Variants in HIP1 observed in about 807,000 individuals in gnomAD.
HIP1 encodes the protein huntingtin interacting protein 1.
A neutral mutation model predicts 147.6 loss-of-function variants in HIP1; 65 were observed. The ratio of observed to expected loss-of-function variants is 0.44; its 90% confidence interval spans 0.36 to 0.54. The LOEUF is 0.54. HIP1 is among the 20% of genes least tolerant of loss of function. The pLI is 0.00. For missense variants in HIP1, 1,061 were observed against 1,299.6 expected, an observed-to-expected ratio of 0.82 and a Z score of 2.82; for synonymous variants, 479 against 504.0, an observed-to-expected ratio of 0.95 and a Z score of 0.67.
In HIP1 at chr7:75,640,985, C is replaced by T. The variant is rs140788619; in HGVS notation, c.121-41738G>A. Among the ~76,000 whole-genome samples, 945 of 151,682 alleles carry T rather than the reference C, an allele frequency of 6.2e-3. 12 individuals are homozygous for T. Among genetic ancestry groups the T allele is most frequent in the African/African-American group, 0.022 (924 of 41,362 alleles). On this transcript the variant is annotated intron_variant, in intron 1 of 30. Transcript: ENST00000336926. ...AAATTGGGACTCTATCTGCCTGCCT[C>T]CTAGGGGTATGTGAGAACATCAAGA...
intron 2 of HIP1, among the ~76,000 whole-genome samples, chr7:75,595,219 T>TTCCTTCCTTCCTTCCTTC: frequency 1.1e-5 from 1 of 90,572 alleles, no homozygotes; most frequent in East Asian, 3.1e-4. Context: ...TTTCTTTCTT[T>TTCCTTCCTTCCTTCCTTC]CTTTCTTTCT....
chr7:75,712,592 T>G (rs550577413), intron 1 of HIP1, among the ~76,000 whole-genome samples: 1 of 152,172 alleles, frequency 6.6e-6, no homozygotes, highest in South Asian at 2.1e-4. Context: ...GGGAATCCAT[T>G]CAATCATTCA....
At chr7:75,678,119 A>T (rs1425273748) in intron 1 of HIP1, among the ~76,000 whole-genome samples, 1 of 152,036 alleles carries the variant, frequency 6.6e-6, no homozygotes, top group Non-Finnish European at 1.5e-5. Flanking sequence ...GACTCATTCT[A>T]ACTGTTTAGT....
intron 1 of HIP1, chr7:75,611,649 G>A (rs782495937): frequency 7.3e-5 from 74 of 1,019,976 alleles, no homozygotes; most frequent in East Asian, 2.0e-4. Context: ...CGGGCAGTGC[G>A]GGGCTGGGTG....
At chr7:75,734,141 G>A (rs781797692) in intron 1 of HIP1, among the ~76,000 whole-genome samples, 10 of 151,952 alleles carry the variant, frequency 6.6e-5, no homozygotes, top group Non-Finnish European at 1.2e-4. Flanking sequence ...AGCTACTCGA[G>A]AGGCCGAGGC....
Position 75,618,946 on chromosome 7 carries a change from T to C in HIP1, c.121-19699A>G, listed in dbSNP as rs76333125. ...CCTGGGCTCCAGTGAGCCTCCCACCTTGGCCTCCCACCCAACATCCTTGAC... is the reference window on the plus strand; with the variant it reads ...CCTGGGCTCCAGTGAGCCTCCCACCCTGGCCTCCCACCCAACATCCTTGAC... On this transcript the variant is annotated intron_variant, in intron 1 of 30. Transcript: ENST00000336926. Among the ~76,000 whole-genome samples, 20 of 152,234 alleles carry C rather than the reference T, an allele frequency of 1.3e-4. No individual in the cohort carries two copies. In the East Asian group the frequency reaches 3.9e-3, roughly 29 times the overall value.
intron 1 of HIP1, among the ~76,000 whole-genome samples, chr7:75,636,797 G>A (rs1233537919): frequency 2.6e-5 from 4 of 152,200 alleles, no homozygotes; most frequent in African/African-American, 2.4e-5. Context: ...GAATTCTCCA[G>A]AGGTTTCCCA....
intron 1 of HIP1, among the ~76,000 whole-genome samples, chr7:75,607,145 G>A (rs1021308607): frequency 6.6e-6 from 1 of 150,954 alleles, no homozygotes; most frequent in Non-Finnish European, 1.5e-5. Flanking sequence ...TAGGTGGGAG[G>A]ATTACTTGAG....
At chr7:75,555,743 C>A (rs1794977075) in intron 18 of HIP1, among the ~76,000 whole-genome samples, 192 bp from the exon 19 acceptor site, 1 of 152,106 alleles carries the variant, frequency 6.6e-6, no homozygotes. Flanking sequence ...GTGCGGCTGC[C>A]CACAGAGGCT....
intron 29 of HIP1, 148 bp downstream of exon 29, chr7:75,541,771 A>G (rs1348185623): frequency 1.7e-6 from 1 of 588,464 alleles, no homozygotes; most frequent in Non-Finnish European, 3.1e-6. Flanking sequence ...CTCTACCTCC[A>G]CTGTTTCTTC....
At chr7:75,674,499 G>GT (rs782124951) in intron 1 of HIP1, among the ~76,000 whole-genome samples, 31 of 79,120 alleles carry the variant, frequency 3.9e-4, no homozygotes, top group Non-Finnish European at 4.2e-4. Flanking sequence ...GCGGCTTTTT[G>GT]TTTTTTTTTT....
In HIP1 at chr7:75,595,235, T is replaced by C. The variant is rs180746353; in HGVS notation, c.185-2721A>G. On this transcript the variant is annotated intron_variant, in intron 2 of 30. Coordinates refer to ENST00000336926, the MANE Select transcript of HIP1 (RefSeq NM_005338.7). ...TTCTTTCTTTCTTTCTTTCTTTCTT[T>C]CTTTCTTTCTTTCTTTCTTCCTTCC... Among the ~76,000 whole-genome samples the C allele has an allele frequency of 7.0e-3, 760 of 109,010 alleles. 6 individuals carry two copies. The highest frequency in any genetic ancestry group is 0.028 in the African/African-American group (616 of 22,334). 71.5% of individuals were successfully genotyped at this position (109,010 alleles called of 152,430 possible).
intron 1 of HIP1, among the ~76,000 whole-genome samples, chr7:75,671,265 TG>T: frequency 6.6e-6 from 1 of 152,212 alleles, no homozygotes; most frequent in East Asian, 1.9e-4. Context: ...AGCTAATTTT[TG>T]TATTTTTAGT....
At position 75,548,876 on chromosome 7, in the gene HIP1, G is replaced by A; in HGVS notation, c.2406+15C>T. 1 of 1,566,610 alleles carries A rather than the reference G, an allele frequency of 6.4e-7. No homozygotes were observed. The highest frequency in any genetic ancestry group is 8.8e-7 in the Non-Finnish European group (1 of 1,136,568). On this transcript the variant is annotated intron_variant, in intron 23 of 30. Transcript: ENST00000336926. ...CAAAGGCATCGTTTCAGGAGATCCT[G>A]CAGGAACCTCCTACCTCTATTCTGG...
intron 1 of HIP1, among the ~76,000 whole-genome samples, chr7:75,690,690 C>G (rs1286521854): frequency 1.3e-5 from 2 of 151,738 alleles, no homozygotes; most frequent in Non-Finnish European, 2.9e-5. Context: ...TGGAGAAACC[C>G]CATCTCTACT....
chr7:75,727,528 C>T (rs1355673326), intron 1 of HIP1, among the ~76,000 whole-genome samples: 1 of 151,478 alleles, frequency 6.6e-6, no homozygotes, highest in African/African-American at 2.4e-5. Context: ...TTTTCAGTGT[C>T]CAAATAAGTC....
In HIP1 at chr7:75,649,029, C is replaced by CT. The variant is rs797033575; in HGVS notation, c.121-49783dup. 5.0e-4 allele frequency among the ~76,000 whole-genome samples: 73 copies of CT among 145,876 alleles called. 1 individual carries two copies. The highest frequency in any genetic ancestry group is 8.7e-4 in the African/African-American group (35 of 40,010). On this transcript the variant is annotated intron_variant, in intron 1 of 30. Coordinates refer to ENST00000336926, the MANE Select transcript of HIP1 (RefSeq NM_005338.7). Reference sequence around the variant, plus strand: ...CTCACTGAGTTGTCCAGGCTAGGAACTTTTTTTTTTTTAAGACAGAGTTTT... The same window carrying CT: ...CTCACTGAGTTGTCCAGGCTAGGAACTTTTTTTTTTTTTAAGACAGAGTTTT...
At chr7:75,713,164 C>T (rs1040729713) in intron 1 of HIP1, among the ~76,000 whole-genome samples, 6 of 152,150 alleles carry the variant, frequency 3.9e-5, no homozygotes, top group African/African-American at 1.2e-4. Context: ...GGAACCTGGC[C>T]GGCAGTGGGC....
At chr7:75,738,199 CTT>C (rs1802086542) in intron 1 of HIP1, among the ~76,000 whole-genome samples, 1 of 152,136 alleles carries the variant, frequency 6.6e-6, no homozygotes, top group Non-Finnish European at 1.5e-5. Context: ...AGTGGCCACA[CTT>C]TGCATTTCCT....
Sources: gnomAD v4.1 joint callset for allele counts (sites outside exome capture counted in the v4.1 genomes callset) on GRCh38, gnomAD v4.1.1 for gene constraint, MANE v1.5 for transcripts, NCBI Gene and HGNC (gene_info 2026-07-23, HGNC 2026-07-21) for gene names.